MORF4L1: variants seen among roughly 807,000 people sequenced by gnomAD.
MORF4L1 encodes mortality factor 4-like protein 1.
MORF4L1 carries 4 observed loss-of-function variants against 52.9 expected under a neutral mutation model. That is an observed-to-expected ratio of 0.08 (90% CI 0.04 to 0.17). The LOEUF (loss-of-function observed/expected upper bound fraction) is 0.17, where lower values mean the gene tolerates loss of function less well. Ranked by LOEUF, MORF4L1 falls within the 10% of genes least tolerant of loss-of-function variation. MORF4L1 has a pLI of 1.00. For synonymous variants in MORF4L1, 123 were observed against 134.8 expected (o/e 0.91, Z 0.61); for missense variants, 214 against 390.4 (o/e 0.55, Z 3.81).
chr15:78,892,131 C>T (rs1008414165), intron 7 of MORF4L1, 81 bp from the exon 8 acceptor site: 7 of 858,256 alleles, frequency 8.2e-6, no homozygotes, highest in Admixed American at 6.8e-5. Flanking sequence ...ATCCCTAGTG[C>T]CTCTAAAAGT....
chr15:78,883,211 G>GA (rs5813942), intron 3 of MORF4L1, among the ~76,000 whole-genome samples: 18 of 136,286 alleles, frequency 1.3e-4, no homozygotes, highest in Middle Eastern at 3.8e-3. Context: ...TGAGACTCAG[G>GA]AAAAAAAAAA....
At chr15:78,890,771 T>A (rs941167088) in intron 5 of MORF4L1, 4 of 338,766 alleles carry the variant, frequency 1.2e-5, no homozygotes, top group Non-Finnish European at 1.5e-5. Context: ...CATGTGCCAC[T>A]GCGCCTGGCT....
chr15:78,880,094 T>C (rs997929438), intron 2 of MORF4L1, among the ~76,000 whole-genome samples: 1 of 152,248 alleles, frequency 6.6e-6, no homozygotes, highest in Non-Finnish European at 1.5e-5. Flanking sequence ...ACAAGTTGTT[T>C]AAACTAACTT....
At chr15:78,884,053 A>C (rs1288422309) in intron 3 of MORF4L1, among the ~76,000 whole-genome samples, 1 of 150,640 alleles carries the variant, frequency 6.6e-6, no homozygotes, top group Non-Finnish European at 1.5e-5. Flanking sequence ...AAAATACAAA[A>C]ATTAGCCAGG....
rs2056726780 is a variant in MORF4L1 at position 78,887,547 on chromosome 15, TTTAAC to T, written c.323+201_323+205del. 8.8e-6 allele frequency: 4 copies of T among 452,044 alleles called. No individual in the cohort carries two copies. The Admixed American group carries it at 1.2e-4, about 14-fold the overall frequency. The allele number at this position is 452,044 out of a possible 1,614,324, so 28.0% of individuals were successfully genotyped here. A position where few individuals can be genotyped will look rare whatever the true frequency, so the allele number is the denominator to read the frequency against. The stretch of plus-strand genomic sequence containing the variant: ...TTTTCCTCAGCAGGTTCCCCCTCCC[TTTAAC>T]TTGTGTGTATAAATATATGTGTGTG... On this transcript the variant is annotated intron_variant, in intron 5 of 11. Transcript: ENST00000426013.
chr15:78,878,464 C>T (rs1022661534), intron 2 of MORF4L1, among the ~76,000 whole-genome samples: 1 of 152,146 alleles, frequency 6.6e-6, no homozygotes, highest in African/African-American at 2.4e-5. Flanking sequence ...TACTCTCTTC[C>T]ACTTTTCTTA....
intron 5 of MORF4L1, among the ~76,000 whole-genome samples, chr15:78,890,144 C>T (rs527933989): frequency 1.4e-4 from 21 of 152,038 alleles, no homozygotes; most frequent in Admixed American, 6.6e-4. Context: ...CGCTTGAACC[C>T]GGGAGGAGGA....
intron 11 of MORF4L1, among the ~76,000 whole-genome samples, chr15:78,896,308 C>CTTTTTTTTTTTT (rs71148578): frequency 6.1e-5 from 5 of 81,448 alleles, no homozygotes; most frequent in Admixed American, 1.7e-4. Flanking sequence ...CTTTTCTTTT[C>CTTTTTTTTTTTT]TTTTTTTTTT....
chr15:78,884,999 C>G (rs185282535), intron 3 of MORF4L1: 2 of 1,614,062 alleles, frequency 1.2e-6, no homozygotes, highest in Non-Finnish European at 1.7e-6. Context: ...TCTGAAAAAT[C>G]TTTGAAGACA....
At chr15:78,873,407 A>T (rs1441412752) in intron 1 of MORF4L1, among the ~76,000 whole-genome samples, 1 of 124,774 alleles carries the variant, frequency 8.0e-6, no homozygotes, top group Non-Finnish European at 1.7e-5. Context: ...AGGGGAAGTG[A>T]TGTGGCGGCG....
intron 5 of MORF4L1, among the ~76,000 whole-genome samples, chr15:78,890,012 C>G (rs952744765): frequency 1.3e-5 from 2 of 152,024 alleles, no homozygotes; most frequent in East Asian, 3.9e-4. Context: ...CACTTGAGGT[C>G]AGGAGTTTGA....
At chr15:78,886,454 A>G in intron 4 of MORF4L1, 1 of 522,724 alleles carries the variant, frequency 1.9e-6, no homozygotes, top group Non-Finnish European at 3.5e-6. Context: ...GGTAGAAAAC[A>G]GCAGAATGTT....
At chr15:78,884,626 C>T (rs1283543301) in intron 3 of MORF4L1, among the ~76,000 whole-genome samples, 5 of 132,864 alleles carry the variant, frequency 3.8e-5, no homozygotes, top group South Asian at 5.0e-4. Context: ...GCAACGAGAG[C>T]GCAACTCTGT....
At chr15:78,876,235 C>CGA (rs2141586836) in intron 1 of MORF4L1, among the ~76,000 whole-genome samples, 1 of 150,996 alleles carries the variant, frequency 6.6e-6, no homozygotes, top group East Asian at 1.9e-4. Flanking sequence ...CGCGCCCGGC[C>CGA]GAGAAATAGG....
intron 2 of MORF4L1, 61 bp downstream of exon 2, chr15:78,878,320 A>G: frequency 3.4e-6 from 5 of 1,482,666 alleles, no homozygotes; most frequent in Non-Finnish European, 4.6e-6. Flanking sequence ...CTGGCCATTT[A>G]ATATACAAGT....
chr15:78,887,399 T>A, intron 5 of MORF4L1, 50 bp downstream of exon 5: 1 of 1,467,812 alleles, frequency 6.8e-7, no homozygotes, highest in Non-Finnish European at 9.4e-7. Context: ...AAGATAATAT[T>A]TTATGTTCAT....
chr15:78,877,864 A>G (rs997882551), intron 1 of MORF4L1: 2 of 181,824 alleles, frequency 1.1e-5, no homozygotes, highest in African/African-American at 4.7e-5. Context: ...AGATGAGGAA[A>G]GCATTTAAAA....
Position 78,898,046 on chromosome 15 carries a change from A to G in MORF4L1, c.*979A>G, listed in dbSNP as rs1249349823. The stretch of plus-strand genomic sequence containing the variant: ...TATGGTCAGCTTTTTTCTGTCTATA[A>G]TTGTTTACTTTTGTGGGTTTACTCT... On this transcript the variant is annotated 3_prime_UTR_variant, in exon 12 of 12. Transcript: ENST00000426013. 1 of 152,158 alleles carries G rather than the reference A, an allele frequency of 6.6e-6. No individual in the cohort carries two copies. Among genetic ancestry groups the G allele is most frequent in the East Asian group, 1.9e-4 (1 of 5,202 alleles). 9.4% of individuals were successfully genotyped at this position (152,158 alleles called of 1,614,324 possible). A position where few individuals can be genotyped will look rare whatever the true frequency, so the allele number is the denominator to read the frequency against.
rs751770539 is a variant in MORF4L1, at chr15:78,873,150, G to A, written c.40+93G>A. The A allele has an allele frequency of 7.8e-5, 120 of 1,541,696 alleles. No individual in the cohort carries two copies. In the Middle Eastern group the frequency reaches 1.5e-3, roughly 20 times the overall value. On this transcript the variant is annotated intron_variant, in intron 1 of 11. Transcript: ENST00000426013. ...GAGGCTTGAGGGCCGGGGGCGGCGC[G>A]GGCTGCGCCCTGAGAAGGCGGCGGT...
Sources: allele counts gnomAD v4.1 joint callset (sites outside exome capture counted in the v4.1 genomes callset), GRCh38; gene constraint gnomAD v4.1.1; transcripts MANE v1.5; gene names NCBI Gene and HGNC (gene_info 2026-07-23, HGNC 2026-07-21).